The following SIRT2 variants were observed in gnomAD, a reference collection of about 807,000 sequenced individuals.
The protein encoded by SIRT2 is NAD-dependent protein deacetylase sirtuin-2.
In SIRT2, 40 loss-of-function variants were observed where a neutral mutation model predicts 57.4. That is an observed-to-expected ratio of 0.70 (90% confidence interval 0.54 to 0.91). The LOEUF (loss-of-function observed/expected upper bound fraction) is 0.91, where lower values mean the gene tolerates loss of function less well. Among genes scored for constraint, SIRT2 ranks in the 40% least tolerant of loss-of-function variants. SIRT2 has a pLI of 0.00. For synonymous variants in SIRT2, 161 were observed against 195.7 expected (o/e 0.82, Z 1.48); for missense variants, 439 against 510.4 (o/e 0.86, Z 1.35).
chr19:38,897,195 TA>T (rs1973743793), intron 2 of SIRT2, among the ~76,000 whole-genome samples: 1 of 152,164 alleles, frequency 6.6e-6, no homozygotes, highest in Non-Finnish European at 1.5e-5. Context: ...CGTTTGGCAC[TA>T]AACAGTGGGC....
chr19:38,891,763 C>T (rs987016322), intron 4 of SIRT2: 4 of 415,466 alleles, frequency 9.6e-6, no homozygotes, highest in South Asian at 1.7e-5. Context: ...TCATTACTAT[C>T]TCCTCCTGGG....
At chr19:38,889,782 G>C (rs1356350817) in intron 6 of SIRT2, 37 bp from the exon 7 acceptor site, 1 of 1,614,116 alleles carries the variant, frequency 6.2e-7, no homozygotes, top group Admixed American at 1.7e-5. Context: ...GATGCCCCAG[G>C]TAGCGTGAGG....
intron 9 of SIRT2, among the ~76,000 whole-genome samples, chr19:38,882,589 T>C (rs952291726): frequency 6.6e-6 from 1 of 151,368 alleles, no homozygotes; most frequent in African/African-American, 2.4e-5. Context: ...TGAGCCGAGA[T>C]TGCACCACTG....
intron 9 of SIRT2, 31 bp downstream of exon 9, chr19:38,883,596 G>C: frequency 6.2e-7 from 1 of 1,607,228 alleles, no homozygotes; most frequent in Non-Finnish European, 8.5e-7. Context: ...GCTGAGAGGA[G>C]GCCTGCCCTC....
At position 38,889,149 on chromosome 19, in the gene SIRT2, TG is replaced by T. The variant is rs2144687307; in HGVS notation, c.438del (p.Ile147SerfsTer9). 1 of 1,612,982 alleles carries T rather than the reference TG, an allele frequency of 6.2e-7. No homozygotes were observed. The highest frequency in any genetic ancestry group is 1.1e-5 in the South Asian group (1 of 91,076). ...AGCAGGCGCATGAAGTAGTGACAGA[TG>T]GTTGGCTGCAGGGAAGAGCGACAGC... ...KELYPGQFKP[T>X]ICHYFMRLLK... On this transcript the variant is annotated frameshift_variant, in exon 8 of 16. Transcript: ENST00000249396. LOFTEE classifies it high-confidence loss of function.
intron 8 of SIRT2, 104 bp from the exon 9 acceptor site, chr19:38,883,860 G>C: frequency 7.9e-7 from 1 of 1,267,568 alleles, no homozygotes. Flanking sequence ...TGAGGTGGTG[G>C]GGACAGGTGG....
intron 8 of SIRT2, among the ~76,000 whole-genome samples, chr19:38,887,478 G>C (rs1202113427): frequency 6.6e-6 from 1 of 152,112 alleles, no homozygotes; most frequent in Non-Finnish European, 1.5e-5. Context: ...TGTTGCCCAG[G>C]CTGGTCTTGA....
intron 8 of SIRT2, among the ~76,000 whole-genome samples, chr19:38,884,456 G>GT (rs1169106739): frequency 2.3e-4 from 34 of 150,608 alleles, no homozygotes; most frequent in South Asian, 8.4e-4. Context: ...TTGTTTGTTT[G>GT]TTTGTTTTTT....
intron 9 of SIRT2, among the ~76,000 whole-genome samples, chr19:38,882,499 G>A (rs1045960850): frequency 2.6e-5 from 4 of 152,096 alleles, no homozygotes; most frequent in Non-Finnish European, 4.4e-5. Flanking sequence ...GCCAGGGGTT[G>A]TAGCACGTGC....
At position 38,878,567 on chromosome 19, in the gene SIRT2, T is replaced by A. The variant is rs1973008665; in HGVS notation, c.*588A>T. On this transcript the variant is annotated 3_prime_UTR_variant, in exon 16 of 16. Coordinates refer to ENST00000249396, the MANE Select transcript of SIRT2 (RefSeq NM_012237.4). ...ACAGGAGGCCAGACCGGATTGTTAG[T>A]TGTTTTTGTTTTTAATTTGTCTCCA... The A allele has an allele frequency of 6.6e-6, 1 of 152,124 alleles. No individual in the cohort carries two copies. The highest frequency in any genetic ancestry group is 2.1e-4 in the South Asian group (1 of 4,832). The allele number at this position is 152,124 out of a possible 1,614,324, so 9.4% of individuals were successfully genotyped here.
chr19:38,898,557 T>C, intron 1 of SIRT2, 132 bp from the exon 2 acceptor site: 1 of 426,612 alleles, frequency 2.3e-6, no homozygotes, highest in East Asian at 3.4e-5. Flanking sequence ...GTGGTAAAAA[T>C]GGAGCAGAGG....
chr19:38,888,346 T>C (rs1422897141), intron 8 of SIRT2, among the ~76,000 whole-genome samples: 1 of 152,130 alleles, frequency 6.6e-6, no homozygotes, highest in African/African-American at 2.4e-5. Flanking sequence ...CTAATTTTTG[T>C]ATTTCTTGTA....
rs200919229 is a variant in SIRT2, at chr19:38,880,912, G to A, written c.748-15C>T. 3.0e-5 allele frequency: 49 copies of A among 1,611,702 alleles called. No homozygotes were observed. In the Middle Eastern group the frequency reaches 1.1e-3, roughly 36 times the overall value. On this transcript the variant is annotated splice_polypyrimidine_tract_variant and intron_variant, in intron 11 of 15. Coordinates refer to ENST00000249396, the MANE Select transcript of SIRT2 (RefSeq NM_012237.4). This position sits in a 1 kb window ranked among gnomAD's most constrained non-coding sequence, Gnocchi z 4.1. ...TTCAGGAAGTCCTGCGGGGAGGGGCGTGAGCTTGGGAGCCTCCGCCCAGGC... is the reference window on the plus strand; with the variant it reads ...TTCAGGAAGTCCTGCGGGGAGGGGCATGAGCTTGGGAGCCTCCGCCCAGGC...
intron 3 of SIRT2, 23 bp downstream of exon 3, chr19:38,893,796 T>G: frequency 6.2e-7 from 1 of 1,602,460 alleles, no homozygotes; most frequent in Non-Finnish European, 8.5e-7. Context: ...CCCTGCTCCC[T>G]GTCCCTCCAG....
intron 8 of SIRT2, among the ~76,000 whole-genome samples, chr19:38,888,321 C>T (rs1011060712): frequency 2.0e-4 from 30 of 152,042 alleles, no homozygotes; most frequent in Non-Finnish European, 3.4e-4. Flanking sequence ...TACAGGCACA[C>T]GCCACCCTGC....
intron 2 of SIRT2, among the ~76,000 whole-genome samples, chr19:38,894,682 C>T (rs968163299): frequency 3.9e-5 from 6 of 151,992 alleles, no homozygotes; most frequent in African/African-American, 1.5e-4. Context: ...ACCTATGTGC[C>T]CCCTGCTCGA....
intron 4 of SIRT2, among the ~76,000 whole-genome samples, chr19:38,892,568 ATTTTATTACTTTATTT>A (rs1973574770): frequency 6.6e-6 from 1 of 151,996 alleles, no homozygotes; most frequent in Admixed American, 6.6e-5. Flanking sequence ...TATCTTTTAA[ATTTTATTACTTTATTT>A]TTTTTTAGAG....
At position 38,879,219 on chromosome 19, in the gene SIRT2, G is replaced by T; in HGVS notation, c.1106C>A (p.Pro369His). 6.3e-7 allele frequency: 1 copy of T among 1,594,574 alleles called. No homozygotes were observed. The highest frequency in any genetic ancestry group is 8.5e-7 in the Non-Finnish European group (1 of 1,174,812). Residue 369 changes from proline to histidine, a missense_variant, in exon 16 of 16, where the codon CCC (proline) becomes CAC (histidine). Physicochemically the swap from Pro to His is moderately conservative, Grantham distance 77. Coordinates refer to ENST00000249396, the MANE Select transcript of SIRT2 (RefSeq NM_012237.4). ...CTTGGCAGGTGGCGGGGACTTCTTG[G>T]GGGAAGCTGAAGTGCTGGGGTTGGG... ...GVPNPSTSAS[P>H]KKSPPPAKDE...
At chr19:38,889,274 A>ACTGCTGACGACT in intron 7 of SIRT2, 119 bp from the exon 8 acceptor site, 1 of 896,806 alleles carries the variant, frequency 1.1e-6, no homozygotes, top group Non-Finnish European at 1.8e-6. Context: ...CCGTCACAGC[A>ACTGCTGACGACT]GCCGCGTCGG....
Sources: allele counts gnomAD v4.1 joint callset (sites outside exome capture counted in the v4.1 genomes callset), GRCh38; gene constraint gnomAD v4.1.1; non-coding constraint Gnocchi (gnomAD v3.1); transcripts MANE v1.5; gene names NCBI Gene and HGNC (gene_info 2026-07-23, HGNC 2026-07-21).